The following TLL1 variants were observed in gnomAD, a reference collection of about 807,000 sequenced individuals.
TLL1 encodes the protein tolloid-like protein 1.
A neutral mutation model predicts 128.2 loss-of-function variants in TLL1; 49 were observed. The observed-to-expected ratio is 0.38, with a 90% CI of 0.30 to 0.48. The LOEUF is 0.48. Ranked by LOEUF, TLL1 falls within the 20% of genes least tolerant of loss-of-function variation. TLL1 has a pLI of 0.96. For synonymous variants in TLL1, 454 were observed against 418.8 expected (o/e 1.08, Z -1.03); for missense variants, 1,123 against 1,242.0 (o/e 0.90, Z 1.44).
intron 1 of TLL1, among the ~76,000 whole-genome samples, chr4:165,898,280 G>A (rs368389394): frequency 6.6e-6 from 1 of 152,198 alleles, no homozygotes; most frequent in East Asian, 1.9e-4. Context: ...AATAGGAGTG[G>A]TGAGAGAGGG....
chr4:166,007,914 C>G, intron 6 of TLL1, 29 bp from the exon 7 acceptor site: 1 of 1,468,110 alleles, frequency 6.8e-7, no homozygotes, highest in Non-Finnish European at 9.5e-7. Context: ...TAAAAGGCTT[C>G]TGAGATTTTG....
chr4:165,909,905 A>T (rs1447433911), intron 1 of TLL1, among the ~76,000 whole-genome samples: 2 of 152,202 alleles, frequency 1.3e-5, no homozygotes, highest in African/African-American at 2.4e-5. Flanking sequence ...ATAGTAGCAC[A>T]GTTTTTTTCC....
At chr4:165,880,531 AT>A (rs1730927323) in intron 1 of TLL1, among the ~76,000 whole-genome samples, 1 of 152,184 alleles carries the variant, frequency 6.6e-6, no homozygotes, top group South Asian at 2.1e-4. Context: ...CTCTAAATAT[AT>A]TATTTTTTCC....
At chr4:166,022,232 T>C (rs1738275808) in intron 8 of TLL1, among the ~76,000 whole-genome samples, 1 of 151,818 alleles carries the variant, frequency 6.6e-6, no homozygotes, top group South Asian at 2.1e-4. Context: ...TGATGCAATA[T>C]GGGCTTACTG....
chr4:165,885,162 G>T (rs2110818945), intron 1 of TLL1, among the ~76,000 whole-genome samples: 1 of 152,262 alleles, frequency 6.6e-6, no homozygotes, highest in Non-Finnish European at 1.5e-5. Context: ...TAGACTGGTA[G>T]TCAAGAAATG....
chr4:165,971,418 T>C (rs1338232570), intron 1 of TLL1, among the ~76,000 whole-genome samples: 1 of 152,224 alleles, frequency 6.6e-6, no homozygotes, highest in African/African-American at 2.4e-5. Flanking sequence ...TTCCCATTGT[T>C]GTGTGACAGC....
At chr4:165,962,520 C>T (rs967817090) in intron 1 of TLL1, among the ~76,000 whole-genome samples, 14 of 152,048 alleles carry the variant, frequency 9.2e-5, no homozygotes, top group African/African-American at 3.4e-4. Context: ...GGAGATTTCT[C>T]GAAGAACTGA....
chr4:165,976,577 A>G (rs773128960), intron 1 of TLL1, among the ~76,000 whole-genome samples: 16 of 152,324 alleles, frequency 1.1e-4, no homozygotes, highest in Non-Finnish European at 2.2e-4. Context: ...ATAGAAAATC[A>G]TATTGCTAAG....
intron 1 of TLL1, among the ~76,000 whole-genome samples, chr4:165,970,936 A>G (rs1485414085): frequency 6.6e-6 from 1 of 152,188 alleles, no homozygotes; most frequent in African/African-American, 2.4e-5. Context: ...TAAAATATAT[A>G]TGATTCACAC....
intron 1 of TLL1, among the ~76,000 whole-genome samples, chr4:165,919,090 T>C (rs1447287091): frequency 1.3e-5 from 2 of 152,046 alleles, no homozygotes; most frequent in Non-Finnish European, 2.9e-5. Context: ...TTTGAAAAGA[T>C]GGAAGAATAG....
At position 166,102,547 on chromosome 4, in the gene TLL1, C is replaced by A. The variant is rs1378736328; in HGVS notation, c.*1671C>A. The A allele has an allele frequency of 2.0e-5, 3 of 152,200 alleles. 1 individual carries two copies. The highest frequency in any genetic ancestry group is 4.4e-5 in the Non-Finnish European group (3 of 67,872). 9.4% of individuals were successfully genotyped at this position (152,200 alleles called of 1,614,324 possible). ...TGATCAATCCCATTAAAAAAAGGCT[C>A]TTTCCTTTAGAGAAACTCTATTTTG... On this transcript the variant is annotated 3_prime_UTR_variant, in exon 21 of 21. Transcript: ENST00000061240.
chr4:165,972,775 T>G (rs1288479752), intron 1 of TLL1, among the ~76,000 whole-genome samples: 1 of 152,162 alleles, frequency 6.6e-6, no homozygotes, highest in Non-Finnish European at 1.5e-5. Flanking sequence ...TCCATTGTGG[T>G]CAGTGAGCCC....
chr4:166,049,375 C>T (rs60467161), intron 12 of TLL1, among the ~76,000 whole-genome samples: 17,939 of 152,134 alleles, frequency 0.12, 1,135 homozygotes, highest in African/African-American at 0.17. Flanking sequence ...TCTTCACTTA[C>T]ACATTTTTGT....
intron 9 of TLL1, among the ~76,000 whole-genome samples, chr4:166,028,665 A>G: frequency 6.6e-6 from 1 of 152,024 alleles, no homozygotes; most frequent in East Asian, 1.9e-4. Flanking sequence ...ATCATTTTAT[A>G]CACATGTTTA....
At chr4:165,972,315 T>C (rs1735664623) in intron 1 of TLL1, among the ~76,000 whole-genome samples, 2 of 152,182 alleles carry the variant, frequency 1.3e-5, no homozygotes, top group South Asian at 4.1e-4. Context: ...AAAATGCCTG[T>C]ATATGGTTAT....
chr4:165,952,449 A>T (rs948423524), intron 1 of TLL1, among the ~76,000 whole-genome samples: 2 of 152,156 alleles, frequency 1.3e-5, no homozygotes, highest in African/African-American at 2.4e-5. Context: ...CAATGGTTTG[A>T]ATAGTTATGG....
intron 1 of TLL1, among the ~76,000 whole-genome samples, chr4:165,887,457 G>T (rs1183818894): frequency 6.6e-6 from 1 of 152,120 alleles, no homozygotes; most frequent in East Asian, 1.9e-4. Context: ...AGTCAAAGAT[G>T]ACTTCATGGC....
At chr4:165,877,412 G>A (rs188133550) in intron 1 of TLL1, among the ~76,000 whole-genome samples, 1 of 152,270 alleles carries the variant, frequency 6.6e-6, no homozygotes, top group Admixed American at 6.5e-5. Flanking sequence ...TCTTTCATCA[G>A]TGCAGTACAC....
chr4:165,915,813 A>G (rs1732752848), intron 1 of TLL1, among the ~76,000 whole-genome samples: 1 of 152,172 alleles, frequency 6.6e-6, no homozygotes, highest in Non-Finnish European at 1.5e-5. Flanking sequence ...ATACCAACCC[A>G]TAGTAGTATT....
Sources: gnomAD v4.1 joint callset for allele counts (sites outside exome capture counted in the v4.1 genomes callset) on GRCh38, gnomAD v4.1.1 for gene constraint, MANE v1.5 for transcripts, NCBI Gene and HGNC (gene_info 2026-07-23, HGNC 2026-07-21) for gene names.